EGFL7: variants seen among roughly 807,000 people sequenced by gnomAD.
The protein encoded by EGFL7 is epidermal growth factor-like protein 7.
A neutral mutation model predicts 37.1 loss-of-function variants in EGFL7; 48 were observed. The ratio of observed to expected loss-of-function variants is 1.29; its 90% CI spans 1.03 to 1.65. The LOEUF is 1.65. Among genes scored for constraint, EGFL7 ranks in the 40% most tolerant of loss-of-function variants. The pLI, the probability that EGFL7 is intolerant of heterozygous loss-of-function variation, is 0.00. For synonymous variants in EGFL7, 180 were observed against 156.8 expected (o/e 1.15, Z -1.10); for missense variants, 384 against 378.9 (o/e 1.01, Z -0.11).
upstream of EGFL7, chr9:136,660,171 A>G (rs1207944079): frequency 1.3e-5 from 2 of 152,250 alleles, no homozygotes; most frequent in Non-Finnish European, 2.9e-5. Context: ...TGCTCCACCC[A>G]TACCAGAACC....
chr9:136,664,017 C>A (rs373349258), intron 2 of EGFL7, among the ~76,000 whole-genome samples: 1 of 152,234 alleles, frequency 6.6e-6, no homozygotes, highest in East Asian at 1.9e-4. Flanking sequence ...AGGCCAGGGG[C>A]AGGGGACAGG....
At chr9:136,661,437 G>A (rs1845140689), upstream of EGFL7, among the ~76,000 whole-genome samples, 1 of 152,138 alleles carries the variant, frequency 6.6e-6, no homozygotes, top group South Asian at 2.1e-4. Flanking sequence ...TGTGGAGGAG[G>A]TGGGGAAATG....
At chr9:136,659,041 T>C (rs1193875756), upstream of EGFL7, 1 of 152,172 alleles carries the variant, frequency 6.6e-6, no homozygotes, top group African/African-American at 2.4e-5. Context: ...GCCTCCGTTT[T>C]CCACCCTTGA....
Position 136,668,355 on chromosome 9 carries a change from C to A in EGFL7, c.73C>A (p.Arg25=), listed in dbSNP as rs372445708. 1.3e-6 allele frequency: 2 copies of A among 1,598,720 alleles called. No individual in the cohort carries two copies. The highest frequency in any genetic ancestry group is 2.7e-5 in the African/African-American group (2 of 74,694). The change falls in exon 4 of 11, where the codon CGG becomes AGG. Residue 25 remains arginine (R), a synonymous_variant. Transcript: ENST00000308874. The part of the protein sequence containing the change: ...LAVGGTEHAY[R]PGRRVCAVRA... ...AGTGGGCGGCACAGAGCACGCCTAC[C>A]GGCCCGGGTGAGCCAAGCCCTAGCC...
At chr9:136,665,219 A>G (rs958196224) in intron 3 of EGFL7, among the ~76,000 whole-genome samples, 9 of 152,158 alleles carry the variant, frequency 5.9e-5, no homozygotes, top group African/African-American at 1.9e-4. Flanking sequence ...CCAACCTAAC[A>G]CGCTAAGGCT....
At chr9:136,660,103 G>A (rs567309867), upstream of EGFL7, among the ~76,000 whole-genome samples, 15 of 152,306 alleles carry the variant, frequency 9.8e-5, no homozygotes, top group East Asian at 2.7e-3. Flanking sequence ...AAGGACCGGA[G>A]GGTGAGGGAG....
Position 136,666,105 on chromosome 9 carries a change from G to A in EGFL7, c.-43+1320G>A, listed in dbSNP as rs974431448. ...CGGCGCGGCGGGGAGGGCCGGGGTC[G>A]CCGCGGCCCCTCGTCCGACCCGGCG... On this transcript the variant is annotated intron_variant, in intron 3 of 10. Transcript: ENST00000308874. The surrounding 1 kb of genome is among the most constrained non-coding windows in gnomAD (Gnocchi z 6.8). 6.8e-6 allele frequency among the ~76,000 whole-genome samples: 1 copy of A among 147,258 alleles called. No individual in the cohort carries two copies. The highest frequency in any genetic ancestry group is 1.5e-5 in the Non-Finnish European group (1 of 66,116).
At chr9:136,660,503 A>C (rs1230702287), upstream of EGFL7, 1 of 152,392 alleles carries the variant, frequency 6.6e-6, no homozygotes, top group Non-Finnish European at 1.5e-5. Flanking sequence ...AGGGGGTTGC[A>C]GTGAAGAACA....
intron 9 of EGFL7, 127 bp from the exon 10 acceptor site, chr9:136,671,799 C>T: frequency 7.8e-7 from 1 of 1,289,830 alleles, no homozygotes; most frequent in Non-Finnish European, 1.0e-6. Context: ...CTAGTGGACA[C>T]TTGGAGCCCT....
chr9:136,670,338 G>A lies in EGFL7; in HGVS notation c.571+8G>A. ...TGGCCCCCAACCCGACAGGTAAACA[G>A]CCCTGGCTGTGCCTGGCCTGGGGAG... On this transcript the variant is annotated splice_region_variant and intron_variant, in intron 8 of 10. Coordinates refer to ENST00000308874, the MANE Select transcript of EGFL7 (RefSeq NM_016215.5). 1.3e-6 allele frequency: 2 copies of A among 1,552,516 alleles called. No homozygotes were observed. Among genetic ancestry groups the A allele is most frequent in the East Asian group, 2.4e-5 (1 of 41,964 alleles).
upstream of EGFL7, among the ~76,000 whole-genome samples, chr9:136,662,122 ACC>A (rs1845185423): frequency 6.6e-6 from 1 of 151,484 alleles, no homozygotes; most frequent in African/African-American, 2.4e-5. Context: ...CTGACAGAGC[ACC>A]CCCTGTGATC....
chr9:136,667,584 A>C (rs1369164844), intron 3 of EGFL7, among the ~76,000 whole-genome samples: 1 of 152,102 alleles, frequency 6.6e-6, no homozygotes, highest in Non-Finnish European at 1.5e-5. Context: ...TGCACCTGGC[A>C]CAGCCACTGT....
At chr9:136,662,388 A>C (rs960317234), upstream of EGFL7, among the ~76,000 whole-genome samples, 4 of 151,546 alleles carry the variant, frequency 2.6e-5, no homozygotes, top group African/African-American at 7.3e-5. Context: ...CTGTCTTGCC[A>C]CCCCAGTCCC....
In EGFL7 at chr9:136,672,437, G is replaced by C. The variant is rs11558192; in HGVS notation, c.*151G>C. 8 of 919,812 alleles carry C rather than the reference G, an allele frequency of 8.7e-6. No individual in the cohort carries two copies. Among genetic ancestry groups the C allele is most frequent in the African/African-American group, 1.7e-5 (1 of 59,714 alleles). 57.0% of individuals were successfully genotyped at this position (919,812 alleles called of 1,614,324 possible). A position where few individuals can be genotyped will look rare whatever the true frequency, so the allele number is the denominator to read the frequency against. On this transcript the variant is annotated 3_prime_UTR_variant, in exon 11 of 11. Transcript: ENST00000308874. ...CCTCCTCTTCCTCCTCCCCTTCCTC[G>C]GGAGGCTCCCCAGACCCTGGCATGG... is the stretch of plus-strand genomic sequence containing the variant.
At position 136,669,598 on chromosome 9, in the gene EGFL7, C is replaced by A; in HGVS notation, c.198-8C>A. 1 of 1,605,052 alleles carries A rather than the reference C, an allele frequency of 6.2e-7. No individual in the cohort carries two copies. The highest frequency in any genetic ancestry group is 8.5e-7 in the Non-Finnish European group (1 of 1,174,968). ...ATGCCCCTCTGAGCTGTCCCACCCA[C>A]CCCACAGAACCATCTATAGGACCGC... On this transcript the variant is annotated splice_region_variant and splice_polypyrimidine_tract_variant and intron_variant, in intron 5 of 10. Coordinates refer to ENST00000308874, the MANE Select transcript of EGFL7 (RefSeq NM_016215.5).
At chr9:136,670,673 C>T (rs1037814508) in intron 8 of EGFL7, 5 of 771,822 alleles carry the variant, frequency 6.5e-6, no homozygotes, top group South Asian at 2.7e-5. Flanking sequence ...AGTAATAATG[C>T]GCCGTCCACG....
upstream of EGFL7, chr9:136,660,338 G>A (rs1250467901): frequency 6.6e-6 from 1 of 152,308 alleles, no homozygotes; most frequent in Non-Finnish European, 1.5e-5. Flanking sequence ...TGAGGCTCCA[G>A]GAGCCCAAGA....
At chr9:136,665,810 A>G (rs1022843156) in intron 3 of EGFL7, 1 of 143,730 alleles carries the variant, frequency 7.0e-6, no homozygotes, top group African/African-American at 2.5e-5. Flanking sequence ...CGCGCCCCGG[A>G]TCCGGCGGTG....
At position 136,666,375 on chromosome 9, in the gene EGFL7, G is replaced by A. The variant is rs1483040469; in HGVS notation, c.-43+1590G>A. Among the ~76,000 whole-genome samples the A allele has an allele frequency of 3.3e-5, 5 of 151,462 alleles. No individual in the cohort carries two copies. The highest frequency in any genetic ancestry group is 7.4e-5 in the Non-Finnish European group (5 of 67,792). On this transcript the variant is annotated intron_variant, in intron 3 of 10. Coordinates refer to ENST00000308874, the MANE Select transcript of EGFL7 (RefSeq NM_016215.5). This position sits in a 1 kb window ranked among gnomAD's most constrained non-coding sequence, Gnocchi z 6.8. The stretch of plus-strand genomic sequence containing the variant: ...CGCGGGTGGGGGCTGCGGGGCTGCT[G>A]CCGGGCAGGTGGGGAGGGAGCCCGT...
Sources: allele counts gnomAD v4.1 joint callset (sites outside exome capture counted in the v4.1 genomes callset), GRCh38; gene constraint gnomAD v4.1.1; non-coding constraint Gnocchi (gnomAD v3.1); transcripts MANE v1.5; gene names NCBI Gene and HGNC (gene_info 2026-07-23, HGNC 2026-07-21).